Variants in SF3B1 observed in about 807,000 individuals in gnomAD.
SF3B1 encodes pre-mRNA processing 10.
Under a neutral mutation model 153.8 loss-of-function variants are expected in SF3B1, and 12 were observed. That is an observed-to-expected ratio of 0.08 (90% CI 0.05 to 0.13). The LOEUF (loss-of-function observed/expected upper bound fraction) is 0.13, where lower values mean the gene tolerates loss of function less well. Among genes scored for constraint, SF3B1 ranks in the 10% least tolerant of loss-of-function variants. The pLI is 1.00. For synonymous variants in SF3B1, 498 were observed against 525.2 expected, an observed-to-expected ratio of 0.95 and a Z score of 0.71; for missense variants, 513 against 1,606.1, an observed-to-expected ratio of 0.32 and a Z score of 11.63.
chr2:197,408,827 G>A lies in SF3B1; in HGVS notation c.905-246C>T, dbSNP rs186180785. 7 of 482,128 alleles carry A rather than the reference G, an allele frequency of 1.5e-5. No homozygotes were observed. In the Admixed American group the frequency reaches 2.1e-4, roughly 14 times the overall value. 29.9% of individuals were successfully genotyped at this position (482,128 alleles called of 1,614,324 possible). ...AATCCCAGCTACTCAGGAGGCTGAA[G>A]CAAAAGAATCACTTGAACTGGGGAG... On this transcript the variant is annotated intron_variant, in intron 7 of 24. Coordinates refer to ENST00000335508, the MANE Select transcript of SF3B1 (RefSeq NM_012433.4).
chr2:197,423,446 A>G lies in SF3B1; in HGVS notation c.195+362T>C, dbSNP rs78229307. Among the ~76,000 whole-genome samples the G allele has an allele frequency of 9.2e-3, 1,394 of 152,268 alleles. 27 individuals carry two copies. The highest frequency in any genetic ancestry group is 0.032 in the African/African-American group (1,326 of 41,544). ...CAAGAGGAGAAAAACAGTATCAAGT[A>G]CAAGTCAGTAATCAAATCACAAGGA... On this transcript the variant is annotated intron_variant, in intron 2 of 24. Transcript: ENST00000335508.
At chr2:197,398,697 G>A (rs1255129747) in intron 20 of SF3B1, 116 bp from the exon 21 acceptor site, 2 of 968,654 alleles carry the variant, frequency 2.1e-6, no homozygotes, top group Non-Finnish European at 3.1e-6. Flanking sequence ...CAGCTGCCTA[G>A]GGAAAGAGAA....
chr2:197,407,762 A>G (rs984483654), intron 9 of SF3B1, among the ~76,000 whole-genome samples: 2 of 152,204 alleles, frequency 1.3e-5, no homozygotes, highest in Non-Finnish European at 2.9e-5. Flanking sequence ...TTCTCAAAGT[A>G]TAACCGATAG....
chr2:197,412,341 AATTTATTTATTTATTT>A (rs138215794), intron 6 of SF3B1, among the ~76,000 whole-genome samples: 1 of 145,684 alleles, frequency 6.9e-6, no homozygotes. Flanking sequence ...TCTCTGATTT[AATTTATTTATTTATTT>A]ATTTATTTAT....
At chr2:197,393,609 C>T (rs897605204) in intron 23 of SF3B1, among the ~76,000 whole-genome samples, 6 of 152,000 alleles carry the variant, frequency 3.9e-5, no homozygotes, top group South Asian at 4.2e-4. Flanking sequence ...TGTGCCACCA[C>T]GCCTGCCTAA....
chr2:197,420,054 G>A, intron 4 of SF3B1: 1 of 251,030 alleles, frequency 4.0e-6, no homozygotes, highest in Admixed American at 5.3e-5. Context: ...TTTCTCAAGG[G>A]TAACAATCCT....
At chr2:197,397,920 T>C in intron 22 of SF3B1, 65 bp downstream of exon 22, 1 of 1,254,044 alleles carries the variant, frequency 8.0e-7, no homozygotes, top group South Asian at 1.4e-5. Context: ...ATGGAAGTAT[T>C]TTCCAATACC....
chr2:197,408,840 T>C, intron 7 of SF3B1: 2 of 474,654 alleles, frequency 4.2e-6, no homozygotes, highest in East Asian at 3.9e-5. Context: ...AAAGAATCAC[T>C]TGAACTGGGG....
chr2:197,397,516 C>G (rs2084889680), intron 22 of SF3B1, among the ~76,000 whole-genome samples: 1 of 152,208 alleles, frequency 6.6e-6, no homozygotes, highest in African/African-American at 2.4e-5. Context: ...AGACTACAGG[C>G]TGTGCGCAGT....
intron 6 of SF3B1, among the ~76,000 whole-genome samples, chr2:197,412,710 C>T (rs1342718280): frequency 6.6e-6 from 1 of 151,106 alleles, no homozygotes; most frequent in Non-Finnish European, 1.5e-5. Flanking sequence ...TCATGCCAGG[C>T]GCAGTGGCTC....
At position 197,423,964 on chromosome 2, in the gene SF3B1, T is replaced by A; in HGVS notation, c.39A>T (p.Ala13=). The A allele has an allele frequency of 6.2e-7, 1 of 1,608,204 alleles. No individual in the cohort carries two copies. Residue 13 remains alanine, a synonymous_variant, in exon 2 of 25, where the codon GCA becomes GCT. Transcript: ENST00000335508. ...TCTTGCCTTGAATTTCTCGAATCTG[T>A]GCTTCAATATCTATAAAAAGATAAC... ...KIAKTHEDIE[A]QIREIQGKKA... is the part of the protein sequence containing the mutation.
At chr2:197,404,888 T>C (rs947037803) in intron 11 of SF3B1, 188 bp downstream of exon 11, 3 of 478,330 alleles carry the variant, frequency 6.3e-6, no homozygotes, top group African/African-American at 6.1e-5. Context: ...TTTTTAAAAA[T>C]ATAAACATGG....
chr2:197,394,888 C>T (rs1194278012), intron 23 of SF3B1, among the ~76,000 whole-genome samples: 2 of 151,612 alleles, frequency 1.3e-5, no homozygotes, highest in East Asian at 3.9e-4. Flanking sequence ...CTGGGTGACA[C>T]AGCAAAACTC....
chr2:197,399,832 T>C (rs562545404), intron 20 of SF3B1, among the ~76,000 whole-genome samples: 33 of 152,272 alleles, frequency 2.2e-4, no homozygotes, highest in Admixed American at 1.6e-3. Flanking sequence ...CCACCTCTCA[T>C]GTAGGTCCTA....
Position 197,415,014 on chromosome 2 carries a change from C to A in SF3B1, c.666+1727G>T, listed in dbSNP as rs1373280582. 3.3e-5 allele frequency among the ~76,000 whole-genome samples: 5 copies of A among 151,750 alleles called. No individual in the cohort carries two copies. In the Admixed American group the frequency reaches 3.3e-4, roughly 10 times the overall value. On this transcript the variant is annotated intron_variant, in intron 6 of 24. Transcript: ENST00000335508. ...ATGAGACCCTACCTCAAGAAAAAAA[C>A]AAAGAACAAAGCACTTTGTTCTAAA...
At chr2:197,394,133 G>A (rs767449145) in intron 23 of SF3B1, among the ~76,000 whole-genome samples, 5 of 151,942 alleles carry the variant, frequency 3.3e-5, no homozygotes, top group Non-Finnish European at 7.4e-5. Flanking sequence ...GCAGTGAGTC[G>A]AGATTGTGCC....
chr2:197,416,934 A>AC, intron 5 of SF3B1, 23 bp from the exon 6 acceptor site: 2 of 1,596,778 alleles, frequency 1.3e-6, no homozygotes, highest in Non-Finnish European at 1.7e-6. Context: ...GTGAGTATTT[A>AC]CCTTTAAAAT....
Position 197,392,271 on chromosome 2 carries a change from G to T in SF3B1, c.*32C>A. On this transcript the variant is annotated 3_prime_UTR_variant, in exon 25 of 25. Transcript: ENST00000335508. ...CAAAGCAAGTTTAAGGTGTGAAGTA[G>T]CTGTGCATTAAACACAAAATAAACA... 1 of 874,670 alleles carries T rather than the reference G, an allele frequency of 1.1e-6. No homozygotes were observed. The highest frequency in any genetic ancestry group is 1.9e-6 in the Non-Finnish European group (1 of 524,262). 54.2% of individuals were successfully genotyped at this position (874,670 alleles called of 1,614,324 possible).
chr2:197,424,493 CAAA>C (rs11344645), intron 1 of SF3B1, among the ~76,000 whole-genome samples: 2 of 105,218 alleles, frequency 1.9e-5, no homozygotes. Flanking sequence ...CTCTATCTCT[CAAA>C]AAAAAAAAAA....
Sources: gnomAD v4.1 joint callset for allele counts (sites outside exome capture counted in the v4.1 genomes callset) on GRCh38, gnomAD v4.1.1 for gene constraint, MANE v1.5 for transcripts, NCBI Gene and HGNC (gene_info 2026-07-23, HGNC 2026-07-21) for gene names.